The following VCL variants were observed in gnomAD, a reference collection of about 807,000 sequenced individuals.
The protein encoded by VCL is epididymis luminal protein 114.
Under a neutral mutation model 125.7 loss-of-function variants are expected in VCL, and 47 were observed. The observed-to-expected ratio is 0.37, with a 90% CI of 0.30 to 0.48. The LOEUF is 0.48. Ranked by LOEUF, VCL falls within the 20% of genes least tolerant of loss-of-function variation. The probability of loss-of-function intolerance (pLI) is 0.99; values close to 1 mark genes in which losing one functional copy is unlikely to be tolerated. For synonymous variants in VCL, 458 were observed against 514.6 expected, an observed-to-expected ratio of 0.89 and a Z score of 1.49; for missense variants, 1,069 against 1,455.5, an observed-to-expected ratio of 0.73 and a Z score of 4.32.
chr10:74,029,038 C>G (rs974530458), intron 1 of VCL, among the ~76,000 whole-genome samples: 2 of 151,668 alleles, frequency 1.3e-5, no homozygotes, highest in Non-Finnish European at 2.9e-5. Flanking sequence ...AGGTTGGTCT[C>G]AAACTCTTGG....
At chr10:74,066,066 T>A (rs1387763500) in intron 2 of VCL, among the ~76,000 whole-genome samples, 34 of 145,180 alleles carry the variant, frequency 2.3e-4, no homozygotes, top group African/African-American at 6.9e-4. Flanking sequence ...TATATATTTT[T>A]TTTTTTTTTT....
In VCL at chr10:74,101,021, CG is replaced by C. The variant is rs1462551584; in HGVS notation, c.1948del (p.Val650LeufsTer16). The C allele has an allele frequency of 1.2e-6, 2 of 1,613,748 alleles. No individual in the cohort carries two copies. The highest frequency in any genetic ancestry group is 1.7e-6 in the Non-Finnish European group (2 of 1,179,904). ...KLGATAEKAA[A>X]VGTANKSTVE... ...GGTGCTACGGCCGAGAAGGCGGCTG[CG>C]GTTGGTACTGCTAATAAATCAACAG... On this transcript the variant is annotated frameshift_variant, in exon 14 of 22. Transcript: ENST00000211998. LOFTEE classifies it high-confidence loss of function.
chr10:74,082,529 C>T lies in VCL; in HGVS notation c.859C>T (p.Pro287Ser). ...LNQAKGWLRD[P>S]SASPGDAGEQ... Reference sequence around the variant, plus strand: ...CCAGGCCAAAGGTTGGCTCCGTGACCCTAGTGCCTCCCCAGGTAACCCTCT... The same window carrying T: ...CCAGGCCAAAGGTTGGCTCCGTGACTCTAGTGCCTCCCCAGGTAACCCTCT... Residue 287 changes from proline (P) to serine (S), a missense_variant, in exon 7 of 22, where the codon CCT (proline) becomes TCT (serine). By Grantham distance (74) the Pro-to-Ser change is moderately conservative. Around this residue, in one of 6 missense-constraint regions of VCL, gnomAD observed 760 missense variants for 928.9 expected, o/e 0.82. Coordinates refer to ENST00000211998, the MANE Select transcript of VCL (RefSeq NM_014000.3). 6.2e-7 allele frequency: 1 copy of T among 1,614,064 alleles called. No homozygotes were observed. The highest frequency in any genetic ancestry group is 1.1e-5 in the South Asian group (1 of 91,070).
At chr10:73,999,223 A>C (rs1366106800) in intron 1 of VCL, among the ~76,000 whole-genome samples, 4 of 152,120 alleles carry the variant, frequency 2.6e-5, no homozygotes, top group Non-Finnish European at 5.9e-5. Context: ...GCAGGAAGCA[A>C]GATGGAGCTG....
intron 4 of VCL, 79 bp from the exon 5 acceptor site, chr10:74,072,651 A>T (rs1311010480): frequency 2.4e-5 from 39 of 1,607,044 alleles, no homozygotes; most frequent in Non-Finnish European, 3.1e-5. Flanking sequence ...ATAGTATTTC[A>T]TAATGGATTT....
chr10:73,998,130 C>T lies in VCL; in HGVS notation c.-78C>T. On this transcript the variant is annotated 5_prime_UTR_variant, in exon 1 of 22. Transcript: ENST00000211998. Reference sequence around the variant, plus strand: ...CCCGACTCCGTAGTCGCTGCACAGTCTGTCTCTTCGCCGGTTCCCGGCCCC... The same window carrying T: ...CCCGACTCCGTAGTCGCTGCACAGTTTGTCTCTTCGCCGGTTCCCGGCCCC... 1 of 1,564,440 alleles carries T rather than the reference C, an allele frequency of 6.4e-7. No individual in the cohort carries two copies. The highest frequency in any genetic ancestry group is 8.7e-7 in the Non-Finnish European group (1 of 1,155,620).
chr10:74,031,439 A>C (rs79871578), intron 1 of VCL, among the ~76,000 whole-genome samples: 9 of 152,174 alleles, frequency 5.9e-5, no homozygotes, highest in Non-Finnish European at 1.0e-4. Context: ...TTCTTATACC[A>C]TACACAAAAA....
intron 6 of VCL, among the ~76,000 whole-genome samples, chr10:74,081,381 G>A (rs1236088115): frequency 6.6e-6 from 1 of 152,158 alleles, no homozygotes; most frequent in African/African-American, 2.4e-5. Context: ...TGGAAGTGGG[G>A]ATGCTCCTGG....
chr10:74,095,957 C>A, intron 12 of VCL, 102 bp downstream of exon 12: 1 of 1,393,536 alleles, frequency 7.2e-7, no homozygotes, highest in Non-Finnish European at 9.8e-7. Context: ...TTTCTGGGGT[C>A]TAGGGAAAAT....
Position 74,109,110 on chromosome 10 carries a change from T to C in VCL, c.2699T>C (p.Met900Thr), listed in dbSNP as rs1554819236. ...AGEVINQPMM[M>T]AARQLHDEAR... ...GAGGTGATTAACCAGCCAATGATGA[T>C]GGCTGCCAGACAGCTCCATGATGAA... is the stretch of plus-strand genomic sequence containing the variant. The change falls in exon 18 of 22, where the codon ATG becomes ACG. Residue 900 changes from methionine (M) to threonine (T), a missense_variant. Physicochemically the swap from Met to Thr is moderately conservative, Grantham distance 81 (BLOSUM62 -1). Coordinates refer to ENST00000211998, the MANE Select transcript of VCL (RefSeq NM_014000.3). The C allele has an allele frequency of 3.7e-6, 6 of 1,614,140 alleles. No individual in the cohort carries two copies. Among genetic ancestry groups the C allele is most frequent in the Non-Finnish European group, 5.1e-6 (6 of 1,180,020 alleles).
At chr10:74,017,340 C>G (rs1840566958) in intron 1 of VCL, among the ~76,000 whole-genome samples, 1 of 152,132 alleles carries the variant, frequency 6.6e-6, no homozygotes, top group Admixed American at 6.6e-5. Flanking sequence ...AGCCACCGCG[C>G]CCGGCCTCCT....
chr10:74,033,628 G>T (rs1840922111), intron 1 of VCL, among the ~76,000 whole-genome samples: 1 of 152,098 alleles, frequency 6.6e-6, no homozygotes, highest in African/African-American at 2.4e-5. Context: ...CTACTTATCT[G>T]TTGGTGGTGT....
intron 1 of VCL, among the ~76,000 whole-genome samples, chr10:74,010,952 C>T (rs992528695): frequency 6.6e-6 from 1 of 151,680 alleles, no homozygotes; most frequent in African/African-American, 2.4e-5. Context: ...GGTGGATCAC[C>T]TGAGGTCAGG....
At chr10:74,110,291 A>C (rs1840200586) in intron 18 of VCL, among the ~76,000 whole-genome samples, 1 of 152,228 alleles carries the variant, frequency 6.6e-6, no homozygotes, top group South Asian at 2.1e-4. Flanking sequence ...TATGCAGAAC[A>C]AAAAATATAC....
At chr10:74,001,906 A>G (rs1840232573) in intron 1 of VCL, among the ~76,000 whole-genome samples, 1 of 152,152 alleles carries the variant, frequency 6.6e-6, no homozygotes, top group South Asian at 2.1e-4. Flanking sequence ...GAAAGTGTAC[A>G]TTTTGACTGA....
At chr10:74,007,061 G>A (rs578148770) in intron 1 of VCL, among the ~76,000 whole-genome samples, 7 of 152,072 alleles carry the variant, frequency 4.6e-5, no homozygotes, top group African/African-American at 1.7e-4. Flanking sequence ...GACCTACTGG[G>A]CATTGATCCT....
chr10:74,042,858 G>A (rs1019633336), intron 1 of VCL, among the ~76,000 whole-genome samples: 4 of 152,062 alleles, frequency 2.6e-5, no homozygotes, highest in African/African-American at 7.2e-5. Flanking sequence ...TCTGAAGAAG[G>A]AGTAATACAA....
chr10:74,003,523 A>G (rs1255769833), intron 1 of VCL, among the ~76,000 whole-genome samples: 1 of 152,172 alleles, frequency 6.6e-6, no homozygotes, highest in Non-Finnish European at 1.5e-5. Flanking sequence ...GGCTTCAGAT[A>G]CTTTGCTTTC....
chr10:74,113,204 A>G (rs1179810934), intron 19 of VCL, among the ~76,000 whole-genome samples: 1 of 152,222 alleles, frequency 6.6e-6, no homozygotes, highest in African/African-American at 2.4e-5. Context: ...TGCAGTTGCT[A>G]TGACTTGGGG....
Sources: allele counts gnomAD v4.1 joint callset (sites outside exome capture counted in the v4.1 genomes callset), GRCh38; gene constraint gnomAD v4.1.1; regional missense constraint gnomAD v4.1.1; transcripts MANE v1.5; gene names NCBI Gene and HGNC (gene_info 2026-07-23, HGNC 2026-07-21).